DCP1A: variants seen among roughly 807,000 people sequenced by gnomAD.
The protein encoded by DCP1A is mRNA-decapping enzyme 1A.
In DCP1A, 20 loss-of-function variants were observed where a neutral mutation model predicts 58.0. The ratio of observed to expected loss-of-function variants is 0.34; its 90% CI spans 0.24 to 0.50. DCP1A has a LOEUF of 0.50. Among genes scored for constraint, DCP1A ranks in the 20% least tolerant of loss-of-function variants. The pLI is 0.98. For missense variants in DCP1A, 613 were observed against 712.2 expected (o/e 0.86, Z 1.59); for synonymous variants, 285 against 275.1 (o/e 1.04, Z -0.36).
At chr3:53,304,560 T>C (rs568047125) in intron 5 of DCP1A, among the ~76,000 whole-genome samples, 2 of 152,276 alleles carry the variant, frequency 1.3e-5, no homozygotes, top group Admixed American at 1.3e-4. Flanking sequence ...CTTTATCACA[T>C]ATTCTTTTAA....
chr3:53,313,402 G>C (rs1397246919), intron 4 of DCP1A, among the ~76,000 whole-genome samples: 1 of 150,528 alleles, frequency 6.6e-6, no homozygotes, highest in African/African-American at 2.4e-5. Context: ...CTGGGTAACA[G>C]AGTGAGACCT....
chr3:53,332,146 G>C (rs2089017479), intron 3 of DCP1A, among the ~76,000 whole-genome samples: 1 of 152,162 alleles, frequency 6.6e-6, no homozygotes, highest in South Asian at 2.1e-4. Context: ...TTGAAGATTA[G>C]ACCAGAAGTG....
At position 53,286,655 on chromosome 3, in the gene DCP1A, C is replaced by T. The variant is rs1706645451; in HGVS notation, c.*925G>A. The T allele has an allele frequency of 6.6e-6, 1 of 152,184 alleles. No individual in the cohort carries two copies. Among genetic ancestry groups the T allele is most frequent in the African/African-American group, 2.4e-5 (1 of 41,442 alleles). 9.4% of individuals were successfully genotyped at this position (152,184 alleles called of 1,614,324 possible). ...TTTTCTGCATAGCTTTAAAACTATT[C>T]TCAGTACACTCAAGGAAAGGAACCA... is the stretch of plus-strand genomic sequence containing the variant. On this transcript the variant is annotated 3_prime_UTR_variant, in exon 10 of 10. Coordinates refer to ENST00000610213, the MANE Select transcript of DCP1A (RefSeq NM_018403.7).
chr3:53,326,630 A>G (rs1305267907), intron 3 of DCP1A, among the ~76,000 whole-genome samples: 6 of 152,220 alleles, frequency 3.9e-5, no homozygotes, highest in Non-Finnish European at 5.9e-5. Context: ...TGAACTGCAC[A>G]TACGAGGGAT....
intron 3 of DCP1A, among the ~76,000 whole-genome samples, chr3:53,323,753 T>G (rs1317466751): frequency 6.7e-6 from 1 of 150,116 alleles, no homozygotes. Context: ...TCCCAGCTAC[T>G]CGGGAGGCTA....
At chr3:53,347,335 G>C in intron 1 of DCP1A, 48 bp downstream of exon 1, 3 of 1,496,076 alleles carry the variant, frequency 2.0e-6, no homozygotes, top group Non-Finnish European at 2.7e-6. Context: ...GCCCCTTTAA[G>C]AGACGGCAGC....
In DCP1A at chr3:53,292,451, C is replaced by A; in HGVS notation, c.1001G>T (p.Ser334Ile). Residue 334 changes from serine (S) to isoleucine (I), a missense_variant, in exon 7 of 10, where the codon AGC becomes ATC. Coordinates refer to ENST00000610213, the MANE Select transcript of DCP1A (RefSeq NM_018403.7). The part of the protein sequence containing the change: ...AEAPTAQVPP[S>I]LPRNSTMMQA... The stretch of plus-strand genomic sequence containing the variant: ...CATCATGGTGCTGTTTCGAGGTAAG[C>A]TGGGGGGAACCTGTGCAGTAGGAGC... The A allele has an allele frequency of 1.2e-6, 2 of 1,613,934 alleles. No homozygotes were observed. The highest frequency in any genetic ancestry group is 1.7e-6 in the Non-Finnish European group (2 of 1,179,872).
At chr3:53,344,140 C>CA (rs60429210) in intron 2 of DCP1A, among the ~76,000 whole-genome samples, 6,232 of 144,392 alleles carry the variant, frequency 0.043, 172 homozygotes, top group Non-Finnish European at 0.066. Flanking sequence ...CAACTCAATA[C>CA]AAAAAAAAAA....
intron 8 of DCP1A, among the ~76,000 whole-genome samples, chr3:53,289,441 T>C (rs1302885181): frequency 1.3e-5 from 2 of 151,654 alleles, no homozygotes; most frequent in African/African-American, 2.4e-5. Flanking sequence ...TGAAACCCCA[T>C]CTCTACTAAA....
chr3:53,320,077 G>A (rs1010688427), intron 3 of DCP1A, among the ~76,000 whole-genome samples: 6 of 151,186 alleles, frequency 4.0e-5, no homozygotes, highest in Admixed American at 2.0e-4. Flanking sequence ...GCAGTGAGCC[G>A]AGATCACGCC....
chr3:53,331,946 ATT>A (rs1353655240), intron 3 of DCP1A, among the ~76,000 whole-genome samples: 2 of 152,196 alleles, frequency 1.3e-5, no homozygotes, highest in Non-Finnish European at 2.9e-5. Flanking sequence ...GGTGCAAAAT[ATT>A]TGTGTTTCTT....
At chr3:53,300,225 T>C (rs2106812986) in intron 6 of DCP1A, among the ~76,000 whole-genome samples, 1 of 152,340 alleles carries the variant, frequency 6.6e-6, no homozygotes, top group South Asian at 2.1e-4. Context: ...ACATCAGCAC[T>C]GTCTGTACCA....
At chr3:53,307,887 T>C (rs1248184394) in intron 5 of DCP1A, among the ~76,000 whole-genome samples, 1 of 152,220 alleles carries the variant, frequency 6.6e-6, no homozygotes, top group Admixed American at 6.5e-5. Context: ...GTATCATTTA[T>C]ATAATGCACA....
At chr3:53,294,626 G>A (rs145466817) in intron 6 of DCP1A, among the ~76,000 whole-genome samples, 1,556 of 152,326 alleles carry the variant, frequency 0.01, 12 homozygotes, top group Non-Finnish European at 0.017. Context: ...AGGCTGCAGC[G>A]ACACAGCTGT....
intron 2 of DCP1A, among the ~76,000 whole-genome samples, chr3:53,344,125 T>G (rs1045192096): frequency 6.6e-6 from 1 of 151,534 alleles, no homozygotes; most frequent in Non-Finnish European, 1.5e-5. Flanking sequence ...GCAATCCTTA[T>G]GAAGCAACTC....
intron 3 of DCP1A, among the ~76,000 whole-genome samples, chr3:53,335,506 TGG>T (rs2089097873): frequency 6.6e-6 from 1 of 152,250 alleles, no homozygotes; most frequent in Non-Finnish European, 1.5e-5. Flanking sequence ...ATGTCTTTTA[TGG>T]ATTCTGGAAA....
chr3:53,327,886 G>T (rs62256971), intron 3 of DCP1A, among the ~76,000 whole-genome samples: 22,290 of 151,672 alleles, frequency 0.15, 1,734 homozygotes, highest in Non-Finnish European at 0.18. Flanking sequence ...ACTTTGGGAG[G>T]CCGAGGCAGG....
chr3:53,304,319 T>C (rs1553687754), intron 5 of DCP1A, 29 bp from the exon 6 acceptor site: 6 of 1,543,172 alleles, frequency 3.9e-6, no homozygotes, highest in Middle Eastern at 1.8e-4. Flanking sequence ...AAAAAATATA[T>C]CTTGTGAAAA....
At chr3:53,335,085 G>C (rs1197813658) in intron 3 of DCP1A, among the ~76,000 whole-genome samples, 1 of 149,376 alleles carries the variant, frequency 6.7e-6, no homozygotes, top group South Asian at 2.1e-4. Context: ...GAATGTGTCT[G>C]GGTGTGTGTG....
Sources: gnomAD v4.1 joint callset for allele counts (sites outside exome capture counted in the v4.1 genomes callset) on GRCh38, gnomAD v4.1.1 for gene constraint, MANE v1.5 for transcripts, NCBI Gene and HGNC (gene_info 2026-07-23, HGNC 2026-07-21) for gene names.